The following EPHA6 variants were observed in gnomAD, a reference collection of about 807,000 sequenced individuals.
EPHA6 encodes ephrin type-A receptor 6.
EPHA6 carries 50 observed loss-of-function variants against 112.0 expected under a neutral mutation model. That is an observed-to-expected ratio of 0.45 (90% CI 0.36 to 0.56). EPHA6 has a LOEUF of 0.56. Among genes scored for constraint, EPHA6 ranks in the 20% least tolerant of loss-of-function variants. EPHA6 has a pLI of 0.00. For synonymous variants in EPHA6, 529 were observed against 490.7 expected, an observed-to-expected ratio of 1.08 and a Z score of -1.03; for missense variants, 1,280 against 1,417.4, an observed-to-expected ratio of 0.90 and a Z score of 1.56.
chr3:97,591,763 A>G (rs958265567), intron 11 of EPHA6, among the ~76,000 whole-genome samples: 2 of 152,170 alleles, frequency 1.3e-5, no homozygotes, highest in South Asian at 2.1e-4. Context: ...AGAGGATAGC[A>G]ATCTCCCAAA....
intron 14 of EPHA6, among the ~76,000 whole-genome samples, chr3:97,640,169 G>A (rs901506576): frequency 2.0e-5 from 3 of 152,236 alleles, no homozygotes; most frequent in Middle Eastern, 3.4e-3. Context: ...AGAGGCTGAA[G>A]AAGGCGTCAC....
At chr3:97,270,356 C>A (rs1233207721) in intron 5 of EPHA6, among the ~76,000 whole-genome samples, 2 of 152,154 alleles carry the variant, frequency 1.3e-5, no homozygotes, top group Non-Finnish European at 2.9e-5. Flanking sequence ...TTGCTTTCAT[C>A]ATTTTTTCCC....
chr3:97,020,527 A>G (rs1376714207), intron 3 of EPHA6, among the ~76,000 whole-genome samples: 1 of 152,188 alleles, frequency 6.6e-6, no homozygotes, highest in Non-Finnish European at 1.5e-5. Context: ...GGAGAGACAG[A>G]GCTATAGCAA....
chr3:97,754,539 A>T lies in EPHA6; in HGVS notation c.*5838A>T, dbSNP rs9871819. Among the ~76,000 whole-genome samples, 36,396 of 152,182 alleles carry T rather than the reference A, an allele frequency of 0.24. 4,443 individuals are homozygous for T. The highest frequency in any genetic ancestry group is 0.3 in the East Asian group (1,536 of 5,188). ...CAATCCAAAATTACATTTTAAAATG[A>T]AAAAAAGAGAAAACTTTTCAATTAC... On this transcript the variant is annotated 3_prime_UTR_variant, in exon 18 of 18. Transcript: ENST00000389672.
chr3:97,096,821 T>C (rs76149580), intron 3 of EPHA6, among the ~76,000 whole-genome samples: 2,293 of 151,926 alleles, frequency 0.015, 67 homozygotes, highest in African/African-American at 0.052. Flanking sequence ...TAGTATAATC[T>C]TTTTTTATAT....
chr3:97,298,418 G>A (rs990323343), intron 5 of EPHA6, among the ~76,000 whole-genome samples: 4 of 152,108 alleles, frequency 2.6e-5, no homozygotes, highest in Non-Finnish European at 5.9e-5. Flanking sequence ...ATAGCATTTC[G>A]TTTCACTCTT....
chr3:97,154,768 A>G (rs2076251385), intron 3 of EPHA6, among the ~76,000 whole-genome samples: 1 of 152,192 alleles, frequency 6.6e-6, no homozygotes, highest in Non-Finnish European at 1.5e-5. Context: ...GGCTGGTTAC[A>G]CCTTCAAAAA....
At chr3:97,545,426 G>A (rs2092930444) in intron 11 of EPHA6, among the ~76,000 whole-genome samples, 1 of 152,190 alleles carries the variant, frequency 6.6e-6, no homozygotes, top group African/African-American at 2.4e-5. Context: ...TGTGGTCTGA[G>A]AGACAGTTTG....
At chr3:96,947,298 G>A (rs1016920776) in intron 2 of EPHA6, among the ~76,000 whole-genome samples, 25 of 152,170 alleles carry the variant, frequency 1.6e-4, no homozygotes, top group African/African-American at 6.0e-4. Context: ...TTCTTCTAGG[G>A]TTTTTATGGT....
chr3:97,250,613 A>G (rs1576770119), intron 5 of EPHA6, among the ~76,000 whole-genome samples: 1 of 152,188 alleles, frequency 6.6e-6, no homozygotes, highest in East Asian at 1.9e-4. Flanking sequence ...ACTAAATTGA[A>G]ATTAAGTGTG....
intron 3 of EPHA6, among the ~76,000 whole-genome samples, chr3:96,989,373 T>C (rs2043135974): frequency 6.6e-6 from 1 of 152,190 alleles, no homozygotes; most frequent in South Asian, 2.1e-4. Context: ...AGCTTTCCTG[T>C]GCTTTTAATC....
chr3:97,715,208 G>A (rs2034159974), intron 14 of EPHA6, among the ~76,000 whole-genome samples: 1 of 152,120 alleles, frequency 6.6e-6, no homozygotes, highest in Admixed American at 6.5e-5. Flanking sequence ...ACAATTTAAT[G>A]AGAGCTGAGA....
chr3:97,158,649 T>C (rs1259706810), intron 3 of EPHA6, among the ~76,000 whole-genome samples: 1 of 152,136 alleles, frequency 6.6e-6, no homozygotes, highest in African/African-American at 2.4e-5. Context: ...GGAAAAATAG[T>C]CATTTATGTC....
intron 3 of EPHA6, among the ~76,000 whole-genome samples, chr3:97,024,002 T>C (rs2107990723): frequency 6.6e-6 from 1 of 152,306 alleles, no homozygotes; most frequent in Admixed American, 6.5e-5. Flanking sequence ...TGTATTTTTT[T>C]CTCTTTTTAC....
intron 3 of EPHA6, among the ~76,000 whole-genome samples, chr3:97,153,469 A>T (rs2076216021): frequency 6.6e-6 from 1 of 152,144 alleles, no homozygotes; most frequent in African/African-American, 2.4e-5. Flanking sequence ...CGTTTTCTGA[A>T]CACAACATGA....
intron 11 of EPHA6, among the ~76,000 whole-genome samples, chr3:97,572,382 CCTCATGAT>C (rs1379362658): frequency 6.6e-6 from 1 of 151,992 alleles, no homozygotes; most frequent in Non-Finnish European, 1.5e-5. Flanking sequence ...GATCTCCTGA[CCTCATGAT>C]CCACCTGCCT....
intron 5 of EPHA6, among the ~76,000 whole-genome samples, chr3:97,321,156 A>G (rs1329699683): frequency 2.0e-5 from 3 of 151,902 alleles, no homozygotes; most frequent in Non-Finnish European, 4.4e-5. Flanking sequence ...CTACTTATCT[A>G]TTTGAGGCAG....
rs62262763 is a variant in EPHA6 at position 97,329,133 on chromosome 3, A to C, written c.1607-76017A>C. Among the ~76,000 whole-genome samples the C allele has an allele frequency of 7.3e-3, 1,106 of 152,214 alleles. 10 individuals carry two copies. Among genetic ancestry groups the C allele is most frequent in the Middle Eastern group, 0.041 (12 of 294 alleles). On this transcript the variant is annotated intron_variant, in intron 5 of 17. Coordinates refer to ENST00000389672, the MANE Select transcript of EPHA6 (RefSeq NM_001080448.3). ...TTTCCAGCTTCATCCATGTCCCTAC[A>C]AAGGACATGAACTCATCCTTTTTTA... is the stretch of plus-strand genomic sequence containing the variant.
intron 7 of EPHA6, among the ~76,000 whole-genome samples, chr3:97,473,543 C>T (rs1471610794): frequency 6.6e-6 from 1 of 151,848 alleles, no homozygotes; most frequent in African/African-American, 2.4e-5. Flanking sequence ...TACTATGAAA[C>T]TATATGCCCC....
Sources: gnomAD v4.1 joint callset for allele counts (sites outside exome capture counted in the v4.1 genomes callset) on GRCh38, gnomAD v4.1.1 for gene constraint, MANE v1.5 for transcripts, NCBI Gene and HGNC (gene_info 2026-07-23, HGNC 2026-07-21) for gene names.